Variants in GLG1 observed in about 807,000 individuals in gnomAD.
GLG1 encodes the protein golgi glycoprotein 1.
In GLG1, 38 loss-of-function variants were observed where a neutral mutation model predicts 160.5. That is an observed-to-expected ratio of 0.24 (90% CI 0.18 to 0.31). The LOEUF (loss-of-function observed/expected upper bound fraction) is 0.31. Among genes scored for constraint, GLG1 ranks in the 10% least tolerant of loss-of-function variants. The probability of loss-of-function intolerance (pLI) is 1.00; values close to 1 mark genes in which losing one functional copy is unlikely to be tolerated. For synonymous variants in GLG1, 644 were observed against 543.4 expected (o/e 1.19, Z -2.57); for missense variants, 1,373 against 1,505.2 (o/e 0.91, Z 1.45).
intron 24 of GLG1, 141 bp from the exon 25 acceptor site, chr16:74,456,896 T>C (rs1202930059): frequency 1.6e-6 from 1 of 632,952 alleles, no homozygotes; most frequent in Non-Finnish European, 2.8e-6. Flanking sequence ...ACTAGGAAAC[T>C]TGATCCAGGA....
chr16:74,530,925 G>A (rs544287167), intron 2 of GLG1, among the ~76,000 whole-genome samples: 1 of 152,116 alleles, frequency 6.6e-6, no homozygotes, highest in Non-Finnish European at 1.5e-5. Flanking sequence ...CTTTTCCTGT[G>A]AACATTCTAT....
chr16:74,494,791 T>A lies in GLG1; in HGVS notation c.1019A>T (p.Asn340Ile), dbSNP rs1384606561. 1 of 1,491,878 alleles carries A rather than the reference T, an allele frequency of 6.7e-7. No homozygotes were observed. Among genetic ancestry groups the A allele is most frequent in the Non-Finnish European group, 9.4e-7 (1 of 1,069,024 alleles). 92.4% of individuals were successfully genotyped at this position (1,491,878 alleles called of 1,614,324 possible). A position where few individuals can be genotyped will look rare whatever the true frequency, so the allele number is the denominator to read the frequency against. ...GEGRVYKCLF[N>I]HKFEESMSEK... Reference sequence around the variant, plus strand: ...ACTCATGGATTCTTCAAATTTATGGTTAAAGAGGCACTTATACACTCTGCC... The same window carrying A: ...ACTCATGGATTCTTCAAATTTATGGATAAAGAGGCACTTATACACTCTGCC... Residue 340 changes from asparagine to isoleucine, a missense_variant, in exon 6 of 26, where the codon AAC (asparagine) becomes ATC (isoleucine). Coordinates refer to ENST00000422840, the MANE Select transcript of GLG1 (RefSeq NM_001145667.2).
At chr16:74,535,151 C>T (rs2017652720) in intron 1 of GLG1, among the ~76,000 whole-genome samples, 1 of 151,952 alleles carries the variant, frequency 6.6e-6, no homozygotes, top group African/African-American at 2.4e-5. Flanking sequence ...CGAGTTAAGC[C>T]CATGAAAGTT....
chr16:74,585,570 T>C (rs949934447), intron 1 of GLG1, among the ~76,000 whole-genome samples: 6 of 151,964 alleles, frequency 3.9e-5, no homozygotes, highest in Non-Finnish European at 5.9e-5. Flanking sequence ...TAGCCGGGCA[T>C]GGTAGTGTGC....
intron 1 of GLG1, among the ~76,000 whole-genome samples, chr16:74,596,504 G>C (rs1287836214): frequency 6.6e-6 from 1 of 152,144 alleles, no homozygotes; most frequent in Non-Finnish European, 1.5e-5. Context: ...ACTCCAGCCT[G>C]GGCCACAAGA....
intron 18 of GLG1, 75 bp downstream of exon 18, chr16:74,467,681 C>T (rs997482038): frequency 9.2e-6 from 9 of 973,460 alleles, no homozygotes; most frequent in African/African-American, 6.4e-5. Flanking sequence ...ACCTTATGGG[C>T]ACTAGCTTTT....
intron 1 of GLG1, among the ~76,000 whole-genome samples, chr16:74,542,743 A>G (rs1159161548): frequency 0.05 from 637 of 12,770 alleles, no homozygotes; most frequent in Non-Finnish European, 0.12. Flanking sequence ...GGGAGGAAGG[A>G]AGGAAGGAAG....
intron 11 of GLG1, among the ~76,000 whole-genome samples, chr16:74,478,956 A>G (rs1421181539): frequency 2.8e-5 from 4 of 143,122 alleles, no homozygotes. Context: ...CTCTAATCCC[A>G]GCACTTTGGG....
chr16:74,456,382 G>C (rs149281759), intron 25 of GLG1, among the ~76,000 whole-genome samples: 2 of 152,172 alleles, frequency 1.3e-5, no homozygotes, highest in African/African-American at 4.8e-5. Flanking sequence ...GGTTGGTCTC[G>C]ATCTCCTGAC....
At chr16:74,487,032 G>A (rs568337945) in intron 8 of GLG1, among the ~76,000 whole-genome samples, 12 of 151,546 alleles carry the variant, frequency 7.9e-5, no homozygotes. Context: ...TCCTGCCTCA[G>A]CCTCCTAAGT....
At chr16:74,555,618 A>G (rs188456915) in intron 1 of GLG1, among the ~76,000 whole-genome samples, 3 of 151,952 alleles carry the variant, frequency 2.0e-5, no homozygotes, top group African/African-American at 7.3e-5. Context: ...TAAGCCAGGA[A>G]TTCAAGGCTA....
Position 74,493,089 on chromosome 16 carries a change from C to G in GLG1, c.1102G>C (p.Val368Leu). Residue 368 changes from valine to leucine, a missense_variant, in exon 7 of 26, where the codon GTC (valine) becomes CTC (leucine). This residue lies in a region of GLG1 where 174 missense variants were observed against 229.9 expected (regional missense o/e 0.76). Coordinates refer to ENST00000422840, the MANE Select transcript of GLG1 (RefSeq NM_001145667.2). The stretch of plus-strand genomic sequence containing the variant: ...CAGGATTTGGCCAATGAATAACTGA[C>G]TTTATAATCCTGGGCAATCAGCTTT... ...RQKLIAQDYKVSYSLAKSCKS... is the reference protein window; with the variant it reads ...RQKLIAQDYKLSYSLAKSCKS... 1.9e-6 allele frequency: 3 copies of G among 1,613,830 alleles called. No individual in the cohort carries two copies. The highest frequency in any genetic ancestry group is 2.5e-6 in the Non-Finnish European group (3 of 1,179,808).
chr16:74,562,713 G>C (rs1187792661), intron 1 of GLG1, among the ~76,000 whole-genome samples: 1 of 152,190 alleles, frequency 6.6e-6, no homozygotes, highest in African/African-American at 2.4e-5. Flanking sequence ...GACCTCCAGT[G>C]ATTCGCCCAC....
chr16:74,488,695 C>T (rs1159713983), intron 8 of GLG1, among the ~76,000 whole-genome samples: 1 of 152,102 alleles, frequency 6.6e-6, no homozygotes, highest in African/African-American at 2.4e-5. Flanking sequence ...TCTCAGCTTA[C>T]TGTAACCTCT....
chr16:74,577,366 A>C (rs1415468400), intron 1 of GLG1, among the ~76,000 whole-genome samples: 1 of 152,072 alleles, frequency 6.6e-6, no homozygotes, highest in African/African-American at 2.4e-5. Flanking sequence ...TACTAAAAAT[A>C]CAATAATAAG....
intron 6 of GLG1, among the ~76,000 whole-genome samples, chr16:74,494,001 C>T (rs147734123): frequency 8.9e-4 from 136 of 151,966 alleles, no homozygotes; most frequent in African/African-American, 3.1e-3. Flanking sequence ...ATGGTGAAAC[C>T]CCGTCTCTAC....
At chr16:74,529,637 G>A (rs1049914889) in intron 2 of GLG1, among the ~76,000 whole-genome samples, 17 of 151,734 alleles carry the variant, frequency 1.1e-4, no homozygotes, top group Admixed American at 3.3e-4. Flanking sequence ...CTGATAGCAT[G>A]CGGGACATTA....
chr16:74,514,398 G>A (rs145641687), intron 2 of GLG1, among the ~76,000 whole-genome samples: 18 of 152,278 alleles, frequency 1.2e-4, no homozygotes, highest in Middle Eastern at 3.4e-3. Context: ...GAGAAAGGTC[G>A]GGTTACCCAC....
chr16:74,485,625 C>T (rs1263611478), intron 9 of GLG1, among the ~76,000 whole-genome samples, 171 bp downstream of exon 9: 1 of 152,122 alleles, frequency 6.6e-6, no homozygotes, highest in Non-Finnish European at 1.5e-5. Flanking sequence ...TGAGGCAGAT[C>T]CTAGGTTTTC....
Sources: gnomAD v4.1 joint callset for allele counts (sites outside exome capture counted in the v4.1 genomes callset) on GRCh38, gnomAD v4.1.1 for gene constraint, gnomAD v4.1.1 regional missense constraint, MANE v1.5 for transcripts, NCBI Gene and HGNC (gene_info 2026-07-23, HGNC 2026-07-21) for gene names.